S100A6: variants seen among roughly 807,000 people sequenced by gnomAD.
S100A6 encodes the protein S100 calcium binding protein A6, also known as protein S100-A6.
A neutral mutation model predicts 3.5 loss-of-function variants in S100A6; 3 were observed. The ratio of observed to expected loss-of-function variants is 0.87; its 90% CI spans 0.39 to 2.24. The LOEUF is 2.24. Ranked by LOEUF, S100A6 falls within the 30% of genes most tolerant of loss-of-function variation. The probability of loss-of-function intolerance (pLI) is 0.05; values close to 1 mark genes in which losing one functional copy is unlikely to be tolerated. For missense variants in S100A6, 114 were observed against 105.3 expected, an observed-to-expected ratio of 1.08 and a Z score of -0.36; for synonymous variants, 48 against 45.2, an observed-to-expected ratio of 1.06 and a Z score of -0.25.
At position 153,535,347 on chromosome 1, in the gene S100A6, G is replaced by C. The variant is rs1196078803; in HGVS notation, c.-8C>G. On this transcript the variant is annotated 5_prime_UTR_variant, in exon 2 of 3. Coordinates refer to ENST00000368719, the MANE Select transcript of S100A6 (RefSeq NM_014624.4). Reference sequence around the variant, plus strand: ...ATCCAGGGGGCATGCCATGGCTGAGGGCTGGGCTTGGAGCTGGCAGCAGAG... The same window carrying C: ...ATCCAGGGGGCATGCCATGGCTGAGCGCTGGGCTTGGAGCTGGCAGCAGAG... 1 of 1,613,618 alleles carries C rather than the reference G, an allele frequency of 6.2e-7. No individual in the cohort carries two copies. Among genetic ancestry groups the C allele is most frequent in the Non-Finnish European group, 8.5e-7 (1 of 1,179,896 alleles).
chr1:153,534,688 A>G lies in S100A6; in HGVS notation c.*8T>C. On this transcript the variant is annotated 3_prime_UTR_variant, in exon 3 of 3. Coordinates refer to ENST00000368719, the MANE Select transcript of S100A6 (RefSeq NM_014624.4). ...CCCAGAGGGTGTCTCCATCTTCCCTATTTATTTTCAGCCCTTGAGGGCTTC... is the reference window on the plus strand; with the variant it reads ...CCCAGAGGGTGTCTCCATCTTCCCTGTTTATTTTCAGCCCTTGAGGGCTTC... 2.5e-6 allele frequency: 4 copies of G among 1,594,912 alleles called. No homozygotes were observed. Among genetic ancestry groups the G allele is most frequent in the Non-Finnish European group, 3.4e-6 (4 of 1,171,124 alleles).
Position 153,535,227 on chromosome 1 carries a change from A to ATCAGCTCCT in S100A6, c.104_112dup (p.Lys35_Leu37dup). 9 of 1,614,060 alleles carry ATCAGCTCCT rather than the reference A, an allele frequency of 5.6e-6. No individual in the cohort carries two copies. The highest frequency in any genetic ancestry group is 7.6e-6 in the Non-Finnish European group (9 of 1,180,010). ...CGAGCCAATGGTGAGCTCCTTCTGG[A>ATCAGCTCCT]TCAGCTCCTTCAGCTCCTTCTTGCT... is the stretch of plus-strand genomic sequence containing the variant. On this transcript the variant is annotated inframe_insertion, in exon 2 of 3. Coordinates refer to ENST00000368719, the MANE Select transcript of S100A6 (RefSeq NM_014624.4).
intron 2 of S100A6, 59 bp from the exon 3 acceptor site, chr1:153,534,889 C>T: frequency 5.8e-6 from 9 of 1,564,922 alleles, no homozygotes; most frequent in Non-Finnish European, 7.8e-6. Context: ...GGATTCTTCC[C>T]CTTCCCCCTC....
rs1443956160 is a variant in S100A6, at chr1:153,534,821, C to A, written c.148G>T (p.Asp50Tyr). The part of the protein sequence containing the change: ...KELTIGSKLQ[D>Y]AEIARLMEDL... ...TCCATCAGCCTTGCAATTTCAGCAT[C>A]CTGCAGCTTCTAATGTGTTAGAATG... is the stretch of plus-strand genomic sequence containing the variant. Residue 50 changes from aspartate to tyrosine, a missense_variant, in exon 3 of 3, where the codon GAT becomes TAT. Physicochemically the swap from Asp to Tyr is radical, Grantham distance 160. Transcript: ENST00000368719. The A allele has an allele frequency of 6.2e-7, 1 of 1,612,264 alleles. No individual in the cohort carries two copies. Among genetic ancestry groups the A allele is most frequent in the Non-Finnish European group, 8.5e-7 (1 of 1,179,510 alleles).
At chr1:153,535,151 C>T in intron 2 of S100A6, 51 bp downstream of exon 2, 2 of 1,609,562 alleles carry the variant, frequency 1.2e-6, no homozygotes, top group South Asian at 1.1e-5. Context: ...CCTAATCCTG[C>T]TTCCAAAGGA....
chr1:153,535,301 C>T lies in S100A6; in HGVS notation c.39G>A (p.Val13=). ...TGCCGGAGTACTTGTGGAAGATGGC[C>T]ACGAGGAGGCCAATGGCCTGATCCA... ...CPLDQAIGLL[V]AIFHKYSGRE... The change falls in exon 2 of 3, where the codon GTG becomes GTA. Residue 13 remains valine, a synonymous_variant. Transcript: ENST00000368719. The T allele has an allele frequency of 1.2e-6, 2 of 1,614,136 alleles. No homozygotes were observed. Among genetic ancestry groups the T allele is most frequent in the South Asian group, 1.1e-5 (1 of 91,078 alleles).
chr1:153,535,472 C>A, intron 1 of S100A6, 112 bp from the exon 2 acceptor site: 4 of 1,178,934 alleles, frequency 3.4e-6, no homozygotes, highest in Non-Finnish European at 4.7e-6. Context: ...CAGTCTCAGG[C>A]CACACACAAT....
chr1:153,534,892 TC>T, intron 2 of S100A6, 62 bp from the exon 3 acceptor site: 1 of 1,560,198 alleles, frequency 6.4e-7, no homozygotes, highest in Non-Finnish European at 8.7e-7. Context: ...TTCTTCCCCT[TC>T]CCCCTCCCAG....
intron 2 of S100A6, 154 bp downstream of exon 2, chr1:153,535,048 G>C (rs1665141567): frequency 1.5e-5 from 18 of 1,165,498 alleles, no homozygotes; most frequent in Non-Finnish European, 2.2e-5. Context: ...CTACCCGCTG[G>C]GAGAGTGGGT....
chr1:153,535,464 G>A, intron 1 of S100A6, 104 bp from the exon 2 acceptor site: 1 of 1,244,102 alleles, frequency 8.0e-7, no homozygotes, highest in Non-Finnish European at 1.1e-6. Flanking sequence ...GAACCACCCA[G>A]TCTCAGGCCA....
At chr1:153,535,432 T>C (rs1250844363) in intron 1 of S100A6, 72 bp from the exon 2 acceptor site, 1 of 1,498,070 alleles carries the variant, frequency 6.7e-7, no homozygotes, top group Non-Finnish European at 9.0e-7. Flanking sequence ...TAATGCTGCC[T>C]GCACTAGCCC....
At chr1:153,535,057 G>A (rs1665141925) in intron 2 of S100A6, 145 bp downstream of exon 2, 1 of 1,224,890 alleles carries the variant, frequency 8.2e-7, no homozygotes, top group South Asian at 1.5e-5. Flanking sequence ...GGGAGAGTGG[G>A]TCTACAGCTC....
At chr1:153,535,920 A>T (rs1665168196) in intron 1 of S100A6, 29 bp downstream of exon 1, 1 of 152,738 alleles carries the variant, frequency 6.5e-6, no homozygotes, top group African/African-American at 2.4e-5. Flanking sequence ...GGCCCTGGAA[A>T]GTACCCAGGG....
At position 153,535,379 on chromosome 1, in the gene S100A6, G is replaced by C. The variant is rs765165051; in HGVS notation, c.-21-19C>G. 1.6e-5 allele frequency: 26 copies of C among 1,610,226 alleles called. No homozygotes were observed. Among genetic ancestry groups the C allele is most frequent in the Non-Finnish European group, 8.5e-7 (1 of 1,178,638 alleles). ...CTTGGAGCTGGCAGCAGAGGGCCTA[G>C]TCAGTGCCATGGGAGCAAGGACTTC... On this transcript the variant is annotated intron_variant, in intron 1 of 2. Transcript: ENST00000368719.
chr1:153,534,927 T>C (rs1571229046), intron 2 of S100A6, 97 bp from the exon 3 acceptor site: 1 of 1,466,812 alleles, frequency 6.8e-7, no homozygotes, highest in Non-Finnish European at 9.2e-7. Flanking sequence ...CAAGTGGCTC[T>C]GTGCTCCCTC....
Position 153,534,618 on chromosome 1 carries a change from T to A in S100A6, c.*78A>T, listed in dbSNP as rs1415454787. ...CAAGGGTAAATTTGACCAAAAAAAA[T>A]TTATTGTACAATTACCCACCACTGG... is the stretch of plus-strand genomic sequence containing the variant. On this transcript the variant is annotated 3_prime_UTR_variant, in exon 3 of 3. Transcript: ENST00000368719. 8.4e-6 allele frequency: 12 copies of A among 1,435,014 alleles called. No individual in the cohort carries two copies. The highest frequency in any genetic ancestry group is 1.0e-5 in the Non-Finnish European group (11 of 1,080,480). The allele number at this position is 1,435,014 out of a possible 1,614,324, so 88.9% of individuals were successfully genotyped here.
Position 153,535,245 on chromosome 1 carries a change from T to G in S100A6, c.95A>C (p.Lys32Thr). ...CTTCTGGATCAGCTCCTTCAGCTCC[T>G]TCTTGCTCAGGGTGTGCTTGTCACC... is the stretch of plus-strand genomic sequence containing the variant. ...REGDKHTLSK[K>T]ELKELIQKEL... is the part of the protein sequence containing the mutation. Residue 32 changes from lysine to threonine, a missense_variant, in exon 2 of 3, where the codon AAG becomes ACG. Lys to Thr is a moderately conservative substitution (Grantham distance 78, BLOSUM62 -1). Transcript: ENST00000368719. 1.2e-6 allele frequency: 2 copies of G among 1,614,202 alleles called. No homozygotes were observed. Among genetic ancestry groups the G allele is most frequent in the Non-Finnish European group, 8.5e-7 (1 of 1,180,034 alleles).
At chr1:153,535,170 G>A (rs1043984994) in intron 2 of S100A6, 32 bp downstream of exon 2, 11 of 1,613,368 alleles carry the variant, frequency 6.8e-6, no homozygotes, top group Non-Finnish European at 9.3e-6. Flanking sequence ...GACAAGGGTG[G>A]GAAAAGGGGT....
chr1:153,535,360 G>C lies in S100A6; in HGVS notation c.-21C>G, dbSNP rs761058518. 6.2e-7 allele frequency: 1 copy of C among 1,613,224 alleles called. No homozygotes were observed. On this transcript the variant is annotated splice_region_variant and 5_prime_UTR_variant, in exon 2 of 3. Transcript: ENST00000368719. ...GCCATGGCTGAGGGCTGGGCTTGGA[G>C]CTGGCAGCAGAGGGCCTAGTCAGTG...
Sources: gnomAD v4.1 joint callset for allele counts on GRCh38, gnomAD v4.1.1 for gene constraint, MANE v1.5 for transcripts, NCBI Gene and HGNC (gene_info 2026-07-23, HGNC 2026-07-21) for gene names.